ERBB4: variants seen among roughly 807,000 people sequenced by gnomAD.
ERBB4 encodes receptor tyrosine-protein kinase erbB-4.
Under a neutral mutation model 158.0 loss-of-function variants are expected in ERBB4, and 42 were observed. The ratio of observed to expected loss-of-function variants is 0.27; its 90% CI spans 0.21 to 0.34. The LOEUF (loss-of-function observed/expected upper bound fraction) is 0.34. Among genes scored for constraint, ERBB4 ranks in the 10% least tolerant of loss-of-function variants. The pLI, the probability that ERBB4 is intolerant of heterozygous loss-of-function variation, is 1.00. For missense variants in ERBB4, 1,333 were observed against 1,624.1 expected (o/e 0.82, Z 3.08); for synonymous variants, 583 against 558.7 (o/e 1.04, Z -0.61).
chr2:211,585,149 G>A (rs1057513135), intron 19 of ERBB4, among the ~76,000 whole-genome samples: 11 of 151,958 alleles, frequency 7.2e-5, no homozygotes, highest in South Asian at 2.1e-4. Flanking sequence ...TCAGGAGATC[G>A]AGACCATCCT....
At chr2:212,282,658 T>C (rs2085802358) in intron 1 of ERBB4, among the ~76,000 whole-genome samples, 1 of 151,888 alleles carries the variant, frequency 6.6e-6, no homozygotes, top group South Asian at 2.1e-4. Flanking sequence ...CTAACCTCCA[T>C]AATCATTAGA....
chr2:212,110,584 T>C (rs958696548), intron 2 of ERBB4, among the ~76,000 whole-genome samples: 1 of 152,230 alleles, frequency 6.6e-6, no homozygotes, highest in Admixed American at 6.5e-5. Context: ...TCCACTGATA[T>C]CTAAGTCCTT....
intron 19 of ERBB4, among the ~76,000 whole-genome samples, chr2:211,590,398 C>T (rs956897619): frequency 6.6e-6 from 1 of 152,164 alleles, no homozygotes; most frequent in Non-Finnish European, 1.5e-5. Flanking sequence ...TAGCTGGAGG[C>T]TACAAGATTC....
chr2:211,512,488 A>C (rs1193965578), intron 20 of ERBB4, among the ~76,000 whole-genome samples: 1 of 152,090 alleles, frequency 6.6e-6, no homozygotes, highest in East Asian at 1.9e-4. Flanking sequence ...ACTTCCTAAA[A>C]ATATTCAGAC....
chr2:211,612,396 A>G (rs1045392347), intron 19 of ERBB4, among the ~76,000 whole-genome samples: 17 of 151,830 alleles, frequency 1.1e-4, no homozygotes, highest in African/African-American at 3.4e-4. Flanking sequence ...CTACAATTAA[A>G]AACTAAGATA....
chr2:212,471,581 C>T (rs1689119832), intron 1 of ERBB4, among the ~76,000 whole-genome samples: 1 of 151,824 alleles, frequency 6.6e-6, no homozygotes, highest in African/African-American at 2.4e-5. Flanking sequence ...AAAGAAACAA[C>T]CTAGCTTATT....
chr2:211,711,439 G>A (rs1211410811), intron 9 of ERBB4, among the ~76,000 whole-genome samples: 1 of 152,124 alleles, frequency 6.6e-6, no homozygotes, highest in Non-Finnish European at 1.5e-5. Context: ...TTGTTTTCCA[G>A]TTAAAACGAG....
At chr2:212,385,487 G>A (rs937456498) in intron 1 of ERBB4, among the ~76,000 whole-genome samples, 3 of 151,616 alleles carry the variant, frequency 2.0e-5, no homozygotes, top group Admixed American at 1.3e-4. Context: ...GCCCATACAC[G>A]ATCACCTTTA....
chr2:212,232,080 T>C (rs577594190), intron 1 of ERBB4, among the ~76,000 whole-genome samples: 12 of 152,302 alleles, frequency 7.9e-5, no homozygotes, highest in African/African-American at 2.6e-4. Flanking sequence ...TTAAACTCTT[T>C]ATGCATCAGT....
intron 2 of ERBB4, among the ~76,000 whole-genome samples, chr2:212,104,334 T>C (rs1249819615): frequency 1.3e-5 from 2 of 152,108 alleles, no homozygotes; most frequent in Non-Finnish European, 2.9e-5. Context: ...TAACCTAATT[T>C]GGCATATATG....
chr2:211,925,225 C>T (rs1171004193), intron 3 of ERBB4, among the ~76,000 whole-genome samples: 3 of 152,112 alleles, frequency 2.0e-5, no homozygotes, highest in Non-Finnish European at 2.9e-5. Context: ...GCTCAAACAA[C>T]ATTAGTATTA....
At chr2:211,662,682 G>T (rs539116034) in intron 15 of ERBB4, among the ~76,000 whole-genome samples, 26 of 152,294 alleles carry the variant, frequency 1.7e-4, no homozygotes, top group African/African-American at 6.0e-4. Flanking sequence ...CTGATAAGGA[G>T]TAAATAGATG....
intron 1 of ERBB4, among the ~76,000 whole-genome samples, chr2:212,214,803 A>G (rs949754174): frequency 5.9e-5 from 9 of 151,700 alleles, no homozygotes; most frequent in Non-Finnish European, 1.2e-4. Context: ...ATACACGTAC[A>G]CAATGTTCAT....
chr2:211,534,469 C>T (rs1362406211), intron 20 of ERBB4, among the ~76,000 whole-genome samples: 3 of 152,098 alleles, frequency 2.0e-5, no homozygotes, highest in Non-Finnish European at 2.9e-5. Flanking sequence ...ATAAACCCTA[C>T]ATCCTCTTAT....
At chr2:212,454,796 C>T (rs1688194317) in intron 1 of ERBB4, among the ~76,000 whole-genome samples, 1 of 152,088 alleles carries the variant, frequency 6.6e-6, no homozygotes, top group South Asian at 2.1e-4. Flanking sequence ...CACTCTAGGT[C>T]TGTTTCCACA....
At chr2:211,616,736 A>G (rs2069407063) in intron 19 of ERBB4, among the ~76,000 whole-genome samples, 1 of 152,186 alleles carries the variant, frequency 6.6e-6, no homozygotes, top group African/African-American at 2.4e-5. Flanking sequence ...AGAAGTCTCG[A>G]AAATAGTAGG....
chr2:211,456,901 C>T (rs1041958976), intron 20 of ERBB4, among the ~76,000 whole-genome samples: 27 of 152,126 alleles, frequency 1.8e-4, no homozygotes, highest in African/African-American at 5.3e-4. Context: ...TTCTGCTCTG[C>T]GGCCTGTATG....
chr2:211,813,841 C>A (rs1291197029), intron 3 of ERBB4, among the ~76,000 whole-genome samples: 1 of 151,964 alleles, frequency 6.6e-6, no homozygotes, highest in East Asian at 1.9e-4. Context: ...AAAATTAATT[C>A]ATCAAAAAAA....
At chr2:211,758,531 A>T (rs1465201021) in intron 4 of ERBB4, among the ~76,000 whole-genome samples, 1 of 152,226 alleles carries the variant, frequency 6.6e-6, no homozygotes, top group African/African-American at 2.4e-5. Flanking sequence ...CAGAAATTCC[A>T]CCTACTGTGG....
Sources: gnomAD v4.1 joint callset for allele counts (sites outside exome capture counted in the v4.1 genomes callset) on GRCh38, gnomAD v4.1.1 for gene constraint, MANE v1.5 for transcripts, NCBI Gene and HGNC (gene_info 2026-07-23, HGNC 2026-07-21) for gene names.